PPP1R9A: variants seen among roughly 807,000 people sequenced by gnomAD.
PPP1R9A encodes the protein neurabin-1.
In PPP1R9A, 59 loss-of-function variants were observed where a neutral mutation model predicts 141.9. The observed-to-expected ratio is 0.42, with a 90% CI of 0.34 to 0.52. PPP1R9A has a LOEUF of 0.52. PPP1R9A is among the 20% of genes least tolerant of loss of function. The pLI is 0.10. For synonymous variants in PPP1R9A, 500 were observed against 569.7 expected (o/e 0.88, Z 1.74); for missense variants, 1,444 against 1,611.9 (o/e 0.90, Z 1.78).
intron 8 of PPP1R9A, among the ~76,000 whole-genome samples, chr7:95,235,524 A>G (rs991688470): frequency 6.6e-6 from 1 of 152,154 alleles, no homozygotes; most frequent in Non-Finnish European, 1.5e-5. Context: ...AAAATAACTG[A>G]TGTTGGCATG....
intron 14 of PPP1R9A, among the ~76,000 whole-genome samples, chr7:95,269,793 T>C (rs773726481): frequency 1.3e-5 from 2 of 151,920 alleles, no homozygotes; most frequent in Non-Finnish European, 2.9e-5. Flanking sequence ...CAACAAACAC[T>C]AACACAGTCA....
intron 12 of PPP1R9A, among the ~76,000 whole-genome samples, chr7:95,256,176 A>G (rs538916527): frequency 6.6e-6 from 1 of 150,774 alleles, no homozygotes; most frequent in Admixed American, 6.7e-5. Context: ...TGAGTGATAG[A>G]GCAAGATCCT....
intron 7 of PPP1R9A, among the ~76,000 whole-genome samples, chr7:95,212,902 G>A (rs573107011): frequency 6.6e-5 from 10 of 152,252 alleles, no homozygotes; most frequent in East Asian, 5.8e-4. Context: ...TATCAATGCC[G>A]AAAGTTAGAC....
intron 7 of PPP1R9A, among the ~76,000 whole-genome samples, chr7:95,219,276 T>G (rs1003852853): frequency 2.0e-5 from 3 of 152,186 alleles, no homozygotes; most frequent in African/African-American, 7.2e-5. Flanking sequence ...TTCTTTTCTT[T>G]AAGAATGCTG....
intron 2 of PPP1R9A, among the ~76,000 whole-genome samples, chr7:94,942,684 A>G (rs1227020676): frequency 6.6e-6 from 1 of 151,914 alleles, no homozygotes; most frequent in East Asian, 1.9e-4. Flanking sequence ...GGCACCTGTA[A>G]TCCCAGCTAC....
intron 5 of PPP1R9A, among the ~76,000 whole-genome samples, chr7:95,177,216 G>A (rs1833030195): frequency 6.6e-6 from 1 of 152,046 alleles, no homozygotes; most frequent in Admixed American, 6.6e-5. Context: ...CCAATCTTGA[G>A]CCTCCTCAAA....
intron 3 of PPP1R9A, among the ~76,000 whole-genome samples, chr7:95,112,051 G>A (rs1484016022): frequency 2.0e-5 from 3 of 150,290 alleles, no homozygotes; most frequent in African/African-American, 7.3e-5. Flanking sequence ...AAAAAAAAAA[G>A]AGTAGAACAA....
At chr7:95,072,714 T>TTATATATTATGTAATATAATATATAA (rs1814051733) in intron 2 of PPP1R9A, among the ~76,000 whole-genome samples, 4 of 113,878 alleles carry the variant, frequency 3.5e-5, no homozygotes, top group African/African-American at 1.4e-4. Context: ...ATATAATATA[T>TTATATATTATGTAATATAATATATAA]TATATGTATA....
chr7:95,151,038 G>C (rs1223894279), intron 4 of PPP1R9A, among the ~76,000 whole-genome samples: 1 of 152,152 alleles, frequency 6.6e-6, no homozygotes. Context: ...AGAGCAATAA[G>C]GTGTCTCATT....
chr7:94,914,747 T>C (rs1414631451), intron 2 of PPP1R9A, among the ~76,000 whole-genome samples: 2 of 152,210 alleles, frequency 1.3e-5, no homozygotes, highest in Non-Finnish European at 2.9e-5. Flanking sequence ...GTCATTTTTT[T>C]CTACTAATTC....
intron 2 of PPP1R9A, among the ~76,000 whole-genome samples, chr7:94,932,763 ATTTTTTTTTTTT>A (rs34284096): frequency 4.2e-5 from 5 of 119,764 alleles, no homozygotes; most frequent in African/African-American, 1.3e-4. Context: ...TACCTGAAGC[ATTTTTTTTTTTT>A]TTTTTTTTTG....
At chr7:95,056,267 A>G (rs1352634697) in intron 2 of PPP1R9A, among the ~76,000 whole-genome samples, 3 of 152,152 alleles carry the variant, frequency 2.0e-5, no homozygotes, top group African/African-American at 7.2e-5. Flanking sequence ...TGGAATGACA[A>G]AAGTTCAGTG....
intron 9 of PPP1R9A, among the ~76,000 whole-genome samples, chr7:95,249,725 C>T (rs1282163894): frequency 1.3e-5 from 2 of 152,072 alleles, no homozygotes; most frequent in African/African-American, 4.8e-5. Context: ...AACTCTGAAA[C>T]ATCTTTTACT....
intron 4 of PPP1R9A, among the ~76,000 whole-genome samples, chr7:95,143,939 C>A (rs1477795902): frequency 6.7e-6 from 1 of 148,230 alleles, no homozygotes; most frequent in Non-Finnish European, 1.5e-5. Context: ...ATGAGTGTAT[C>A]ATTAACATAT....
At chr7:95,214,187 T>C (rs1792781315) in intron 7 of PPP1R9A, 1 of 152,206 alleles carries the variant, frequency 6.6e-6, no homozygotes, top group Non-Finnish European at 1.5e-5. Flanking sequence ...TACATTACCG[T>C]GTCTGTGGGT....
At chr7:95,117,364 G>A (rs1280164612) in intron 3 of PPP1R9A, among the ~76,000 whole-genome samples, 2 of 152,038 alleles carry the variant, frequency 1.3e-5, no homozygotes, top group African/African-American at 4.8e-5. Context: ...ATAAGATGCT[G>A]GAGAACATCA....
intron 2 of PPP1R9A, among the ~76,000 whole-genome samples, chr7:94,978,843 C>T (rs1799767340): frequency 6.6e-6 from 1 of 152,190 alleles, no homozygotes; most frequent in Non-Finnish European, 1.5e-5. Context: ...GTTGCGCAGG[C>T]TGGAGTGCAG....
intron 7 of PPP1R9A, chr7:95,214,354 C>A (rs892576524): frequency 1.3e-5 from 2 of 152,184 alleles, no homozygotes; most frequent in African/African-American, 4.8e-5. Flanking sequence ...CTTCCAGGCT[C>A]CCTCATGTGA....
intron 4 of PPP1R9A, among the ~76,000 whole-genome samples, chr7:95,130,528 G>C (rs564292520): frequency 1.3e-5 from 2 of 152,144 alleles, no homozygotes; most frequent in Non-Finnish European, 2.9e-5. Context: ...TTCCTACTGG[G>C]GCACTGCCTA....
Sources: allele counts gnomAD v4.1 joint callset (sites outside exome capture counted in the v4.1 genomes callset), GRCh38; gene constraint gnomAD v4.1.1; transcripts MANE v1.5; gene names NCBI Gene and HGNC (gene_info 2026-07-23, HGNC 2026-07-21).